The following FAM50A variants were observed in gnomAD, a reference collection of about 807,000 sequenced individuals.
The protein encoded by FAM50A is family with sequence similarity 50 member A, also known as protein FAM50A.
Under a neutral mutation model 35.5 loss-of-function variants are expected in FAM50A, and 6 were observed. The observed-to-expected ratio is 0.17, with a 90% CI of 0.09 to 0.33. FAM50A has a LOEUF of 0.33. Among genes scored for constraint, FAM50A ranks in the 10% least tolerant of loss-of-function variants. The pLI, the probability that FAM50A is intolerant of heterozygous loss-of-function variation, is 1.00. For synonymous variants in FAM50A, 120 were observed against 110.9 expected (o/e 1.08, Z -0.52); for missense variants, 145 against 295.5 (o/e 0.49, Z 3.73).
At chrX:154,448,368 T>C in intron 4 of FAM50A, 116 bp from the exon 5 acceptor site, 1 of 614,470 alleles carries the variant, frequency 1.6e-6, no homozygotes, top group Non-Finnish European at 2.7e-6. Flanking sequence ...GTGCCCGCCC[T>C]AGGCTTGTCT....
chrX:154,447,282 C>T (rs782783708), intron 4 of FAM50A, among the ~76,000 whole-genome samples: 22 of 111,965 alleles, frequency 2.0e-4, no homozygotes, highest in Non-Finnish European at 4.0e-4. Context: ...AGTTGTGTCA[C>T]GGGCCCCTGG....
intron 1 of FAM50A, chrX:154,444,554 C>T (rs947427012): frequency 4.7e-6 from 1 of 213,142 alleles, no homozygotes; most frequent in East Asian, 7.9e-5. Flanking sequence ...GCCGGGCGTT[C>T]TCCGAGGCTG....
In FAM50A at chrX:154,450,449, G is replaced by A. The variant is rs782808262; in HGVS notation, c.*17G>A. The A allele has an allele frequency of 5.0e-6, 6 of 1,208,399 alleles. No homozygotes were observed. The highest frequency in any genetic ancestry group is 5.9e-5 in the East Asian group (2 of 33,772). On this transcript the variant is annotated 3_prime_UTR_variant, in exon 13 of 13. Transcript: ENST00000393600. ...ATCCGCTGAGCATCCAGGAGGCTGC[G>A]CGGCCCCGGCTCCTCAGCTCCCTCA...
chrX:154,449,971 C>T (rs202185693), intron 10 of FAM50A, 40 bp downstream of exon 10: 182 of 1,206,265 alleles, frequency 1.5e-4, no homozygotes, highest in South Asian at 2.1e-4. Context: ...AGCACCTTGC[C>T]GCCGATGTTG....
At chrX:154,448,381 T>C in intron 4 of FAM50A, 103 bp from the exon 5 acceptor site, 3 of 696,140 alleles carry the variant, frequency 4.3e-6, no homozygotes, top group Non-Finnish European at 6.8e-6. Flanking sequence ...GCTTGTCTTC[T>C]AGATCGACTG....
chrX:154,444,459 C>T (rs1383642956), intron 1 of FAM50A, 113 bp downstream of exon 1: 3 of 314,424 alleles, frequency 9.5e-6, no homozygotes, highest in Non-Finnish European at 1.5e-5. Flanking sequence ...GGGCGGCGCG[C>T]CGGGGCAGGC....
At chrX:154,445,971 G>A in intron 3 of FAM50A, 60 bp downstream of exon 3, 1 of 974,167 alleles carries the variant, frequency 1.0e-6, no homozygotes, top group Admixed American at 2.4e-5. Context: ...CCCGTGGCTG[G>A]TCGGGCTCTT....
At position 154,450,322 on chromosome X, in the gene FAM50A, G is replaced by C; in HGVS notation, c.1011+3G>C. On this transcript the variant is annotated splice_donor_region_variant and intron_variant, in intron 12 of 12. Transcript: ENST00000393600. ...AAAAGAAGTGGGACAAGTACACGGT[G>C]AGGAGGGGCTGGCAGGGACCCCTCC... 1 of 1,208,141 alleles carries C rather than the reference G, an allele frequency of 8.3e-7. No individual in the cohort carries two copies. Among genetic ancestry groups the C allele is most frequent in the Non-Finnish European group, 1.1e-6 (1 of 891,964 alleles).
chrX:154,445,757 C>T, intron 2 of FAM50A, 40 bp downstream of exon 2: 3 of 1,188,170 alleles, frequency 2.5e-6, no homozygotes, highest in Non-Finnish European at 3.4e-6. Context: ...GGCCCCGGGC[C>T]ACTCTTCCGC....
chrX:154,450,653 C>G lies in FAM50A; in HGVS notation c.*221C>G, dbSNP rs1312358343. The G allele has an allele frequency of 4.6e-6, 2 of 437,237 alleles. No individual in the cohort carries two copies. Among genetic ancestry groups the G allele is most frequent in the Non-Finnish European group, 8.0e-6 (2 of 251,440 alleles). The allele number at this position is 437,237 out of a possible 1,213,427, so 36.0% of individuals were successfully genotyped here. A position where few individuals can be genotyped will look rare whatever the true frequency, so the allele number is the denominator to read the frequency against. On this transcript the variant is annotated 3_prime_UTR_variant, in exon 13 of 13. Coordinates refer to ENST00000393600, the MANE Select transcript of FAM50A (RefSeq NM_004699.4). ...CTGGAGCGCCTGCATTGTGAGAAAC[C>G]ATTTGTGTTCGGACCAAATTCATTT...
intron 9 of FAM50A, 22 bp from the exon 10 acceptor site, chrX:154,449,861 C>A: frequency 8.3e-7 from 1 of 1,210,675 alleles, no homozygotes; most frequent in Non-Finnish European, 1.1e-6. Flanking sequence ...CAAGACGCCG[C>A]TTTCCTGCCC....
chrX:154,449,839 G>A, intron 9 of FAM50A, 44 bp from the exon 10 acceptor site: 1 of 1,203,614 alleles, frequency 8.3e-7, no homozygotes, highest in Non-Finnish European at 1.1e-6. Flanking sequence ...GGGAGGGGCC[G>A]AGATGGACCA....
At chrX:154,449,196 C>T (rs376540811) in intron 7 of FAM50A, 25 bp from the exon 8 acceptor site, 43 of 1,192,786 alleles carry the variant, frequency 3.6e-5, no homozygotes, top group Non-Finnish European at 4.6e-5. Flanking sequence ...CCTTCCCTTC[C>T]CAACTCCTGG....
chrX:154,448,068 C>CTT (rs782137009), intron 4 of FAM50A, among the ~76,000 whole-genome samples: 4 of 76,519 alleles, frequency 5.2e-5, no homozygotes, highest in African/African-American at 4.1e-4. Context: ...TCTTTTTTTT[C>CTT]TTTCTTTTTT....
In FAM50A at chrX:154,449,036, C is replaced by T. The variant is rs1603386375; in HGVS notation, c.648+82C>T. 6 of 1,004,176 alleles carry T rather than the reference C, an allele frequency of 6.0e-6. No individual in the cohort carries two copies. The East Asian group carries it at 1.5e-4, about 26-fold the overall frequency. 82.8% of individuals were successfully genotyped at this position (1,004,176 alleles called of 1,213,427 possible). Reference sequence around the variant, plus strand: ...CGTGGGAAGGAACTGACCTTCCTGACTTGGGAAGCCCCAGGGATCCTGAGG... The same window carrying T: ...CGTGGGAAGGAACTGACCTTCCTGATTTGGGAAGCCCCAGGGATCCTGAGG... On this transcript the variant is annotated intron_variant, in intron 7 of 12. Coordinates refer to ENST00000393600, the MANE Select transcript of FAM50A (RefSeq NM_004699.4).
Position 154,444,218 on chromosome X carries a change from G to T in FAM50A, c.-18G>T. 1.2e-6 allele frequency: 1 copy of T among 820,195 alleles called. No individual in the cohort carries two copies. 67.6% of individuals were successfully genotyped at this position (820,195 alleles called of 1,213,427 possible). On this transcript the variant is annotated 5_prime_UTR_variant, in exon 1 of 13. Coordinates refer to ENST00000393600, the MANE Select transcript of FAM50A (RefSeq NM_004699.4). ...GCCGCCGCCGCCCGCCGCCGCCGCC[G>T]CCGCCGCCGCCGCTGCCATGGCTCA...
At position 154,444,186 on chromosome X, in the gene FAM50A, T is replaced by C. The variant is rs782630744; in HGVS notation, c.-50T>C. ...CCGCCGCTGCCGCTGCCGCTGTCGC[T>C]GTCGCCGCCGCCGCCGCCCGCCGCC... On this transcript the variant is annotated 5_prime_UTR_variant, in exon 1 of 13. Coordinates refer to ENST00000393600, the MANE Select transcript of FAM50A (RefSeq NM_004699.4). 0.1 allele frequency: 48,798 copies of C among 480,161 alleles called. 2,226 individuals carry two copies. The highest frequency in any genetic ancestry group is 0.2 in the South Asian group (1,886 of 9,516). 39.6% of individuals were successfully genotyped at this position (480,161 alleles called of 1,213,427 possible). A position where few individuals can be genotyped will look rare whatever the true frequency, so the allele number is the denominator to read the frequency against.
Position 154,446,411 on chromosome X carries a change from C to A in FAM50A, c.297-4C>A, listed in dbSNP as rs368752219. ...GTGTGATGGGGCCACCTGCACCTCA[C>A]TAGGAAGCTGGAGAAGCTTCGAGAG... On this transcript the variant is annotated splice_region_variant and splice_polypyrimidine_tract_variant and intron_variant, in intron 3 of 12. Transcript: ENST00000393600. The A allele has an allele frequency of 8.3e-7, 1 of 1,208,036 alleles. No individual in the cohort carries two copies. The highest frequency in any genetic ancestry group is 1.1e-6 in the Non-Finnish European group (1 of 893,270).
rs1238146306 is a variant in FAM50A at position 154,444,311 on chromosome X, G to A, written c.76G>A (p.Glu26Lys). The stretch of plus-strand genomic sequence containing the variant: ...GATGAAGAAGCGGGAGAAGCAGCGC[G>A]AGCAGATGGAGCAGATGAAGCAGCG... ...HLMKKREKQREQMEQMKQRIA... is the reference protein window; with the variant it reads ...HLMKKREKQRKQMEQMKQRIA... Residue 26 changes from glutamate (E) to lysine (K), a missense_variant, in exon 1 of 13, where the codon GAG (glutamate) becomes AAG (lysine). Transcript: ENST00000393600. 2.3e-5 allele frequency: 26 copies of A among 1,115,505 alleles called. No homozygotes were observed. Among genetic ancestry groups the A allele is most frequent in the Non-Finnish European group, 2.8e-5 (24 of 845,561 alleles). The allele number at this position is 1,115,505 out of a possible 1,213,427, so 91.9% of individuals were successfully genotyped here. A position where few individuals can be genotyped will look rare whatever the true frequency, so the allele number is the denominator to read the frequency against.
Sources: allele counts gnomAD v4.1 joint callset (sites outside exome capture counted in the v4.1 genomes callset), GRCh38; gene constraint gnomAD v4.1.1; transcripts MANE v1.5; gene names NCBI Gene and HGNC (gene_info 2026-07-23, HGNC 2026-07-21).